SHANK2: variants seen among roughly 807,000 people sequenced by gnomAD.
The protein encoded by SHANK2 is SH3 and multiple ankyrin repeat domains 2, also known as SH3 and multiple ankyrin repeat domains protein 2.
A neutral mutation model predicts 133.7 loss-of-function variants in SHANK2; 43 were observed. That is an observed-to-expected ratio of 0.32 (90% CI 0.25 to 0.41). SHANK2 has a LOEUF of 0.41. SHANK2 is among the 10% of genes least tolerant of loss of function. SHANK2 has a pLI of 1.00. For missense variants in SHANK2, 1,994 were observed against 2,235.8 expected, an observed-to-expected ratio of 0.89 and a Z score of 2.18; for synonymous variants, 1,017 against 952.8, an observed-to-expected ratio of 1.07 and a Z score of -1.24.
intron 15 of SHANK2, among the ~76,000 whole-genome samples, chr11:70,670,929 G>A (rs113758757): frequency 0.014 from 2,078 of 152,316 alleles, 39 homozygotes; most frequent in African/African-American, 0.037. Flanking sequence ...TACTCATGCA[G>A]CCCGCACACC....
chr11:71,243,489 TCAAGACCATCCTGGCTAG>T (rs1954919320), intron 1 of SHANK2, among the ~76,000 whole-genome samples: 5 of 151,964 alleles, frequency 3.3e-5, no homozygotes, highest in Admixed American at 3.3e-4. Flanking sequence ...GGTCAGGAGA[TCAAGACCATCCTGGCTAG>T]CACGGTGAAA....
At chr11:71,085,604 TAA>T (rs1951373971) in intron 8 of SHANK2, among the ~76,000 whole-genome samples, 24 of 67,690 alleles carry the variant, frequency 3.5e-4, no homozygotes, top group African/African-American at 1.4e-3. Flanking sequence ...ATATATATAT[TAA>T]ATATATATTA....
Position 70,562,572 on chromosome 11 carries a change from A to G in SHANK2, c.2062-59641T>C, listed in dbSNP as rs149432801. On this transcript the variant is annotated intron_variant, in intron 17 of 25. Transcript: ENST00000601538. ...TGTTCTAAAATCTATTTTGATACTA[A>G]TATCGTCATCCCAGTTTTCTTTGGA... 1.4e-4 allele frequency among the ~76,000 whole-genome samples: 21 copies of G among 152,314 alleles called. No individual in the cohort carries two copies. The East Asian group carries it at 4.1e-3, about 29-fold the overall frequency.
intron 14 of SHANK2, among the ~76,000 whole-genome samples, chr11:70,746,117 C>T (rs532743115): frequency 1.7e-4 from 26 of 152,226 alleles, no homozygotes; most frequent in Non-Finnish European, 3.5e-4. Flanking sequence ...GAATCTCACA[C>T]CCACGCTTCA....
intron 8 of SHANK2, among the ~76,000 whole-genome samples, chr11:71,078,172 T>TAAA (rs1269738710): frequency 2.2e-4 from 31 of 142,164 alleles, no homozygotes; most frequent in African/African-American, 7.3e-4. Context: ...AAGGAAATGG[T>TAAA]AAAAAAAAAA....
chr11:70,857,466 G>A (rs2135488876), intron 11 of SHANK2, among the ~76,000 whole-genome samples: 1 of 152,298 alleles, frequency 6.6e-6, no homozygotes. Context: ...GCTCAGTCAT[G>A]TGCCCAACAG....
chr11:70,925,379 T>C (rs1950413281), intron 10 of SHANK2, among the ~76,000 whole-genome samples: 1 of 151,926 alleles, frequency 6.6e-6, no homozygotes, highest in Non-Finnish European at 1.5e-5. Flanking sequence ...CCAATAGGAG[T>C]AGGTATCACC....
intron 17 of SHANK2, among the ~76,000 whole-genome samples, chr11:70,554,554 C>G (rs1046474194): frequency 6.6e-6 from 1 of 152,260 alleles, no homozygotes; most frequent in South Asian, 2.1e-4. Context: ...CTCTCCTCCC[C>G]CCTCCCCCAG....
intron 17 of SHANK2, among the ~76,000 whole-genome samples, chr11:70,656,726 A>C (rs2061410187): frequency 6.6e-6 from 1 of 151,954 alleles, no homozygotes. Context: ...ACCTTTTATT[A>C]CCACACAGCT....
At chr11:70,600,829 C>T (rs190589153) in intron 17 of SHANK2, among the ~76,000 whole-genome samples, 28 of 152,204 alleles carry the variant, frequency 1.8e-4, no homozygotes, top group African/African-American at 6.5e-4. Flanking sequence ...ATATGAAAGA[C>T]AAACTTTAAA....
intron 1 of SHANK2, among the ~76,000 whole-genome samples, chr11:71,231,075 A>G (rs1051478572): frequency 1.3e-5 from 2 of 152,230 alleles, no homozygotes; most frequent in Admixed American, 1.3e-4. Flanking sequence ...ATAGGTTCTC[A>G]TCCAAATTAA....
intron 10 of SHANK2, among the ~76,000 whole-genome samples, chr11:70,905,744 C>T (rs1391432281): frequency 7.2e-5 from 11 of 152,128 alleles, no homozygotes; most frequent in Admixed American, 7.2e-4. Context: ...CTTGAACTCA[C>T]AGCCTCTGGA....
At chr11:70,853,286 G>C (rs936345865) in intron 11 of SHANK2, among the ~76,000 whole-genome samples, 22 of 152,356 alleles carry the variant, frequency 1.4e-4, no homozygotes, top group Non-Finnish European at 1.3e-4. Flanking sequence ...AGGCGTCCCG[G>C]CGCCTCCCAC....
chr11:71,217,358 T>G (rs1436485176), intron 2 of SHANK2, among the ~76,000 whole-genome samples: 1 of 150,738 alleles, frequency 6.6e-6, no homozygotes, highest in African/African-American at 2.5e-5. Flanking sequence ...AATACAAAAA[T>G]TAATTGGGCA....
At chr11:71,163,064 CTCTG>C (rs1290164561) in intron 2 of SHANK2, among the ~76,000 whole-genome samples, 1 of 88,186 alleles carries the variant, frequency 1.1e-5, no homozygotes, top group Non-Finnish European at 2.1e-5. Flanking sequence ...CAGAGTGAGA[CTCTG>C]TCTAAAAAAA....
At chr11:71,157,338 T>C (rs1952925515) in intron 2 of SHANK2, among the ~76,000 whole-genome samples, 2 of 152,342 alleles carry the variant, frequency 1.3e-5, no homozygotes, top group South Asian at 2.1e-4. Context: ...CTTAGATGAA[T>C]TGCAATGCCT....
chr11:70,601,127 C>G (rs1426383958), intron 17 of SHANK2, among the ~76,000 whole-genome samples: 2 of 152,060 alleles, frequency 1.3e-5, no homozygotes, highest in Non-Finnish European at 2.9e-5. Context: ...TCTCAGCTCA[C>G]GGCAATCTCC....
intron 2 of SHANK2, among the ~76,000 whole-genome samples, chr11:71,181,912 C>T (rs1440871478): frequency 3.3e-5 from 5 of 149,584 alleles, no homozygotes; most frequent in East Asian, 4.1e-4. Context: ...AAGAAACCTA[C>T]GATTCCAAGG....
At position 70,795,438 on chromosome 11, in the gene SHANK2, C is replaced by T. The variant is rs1408590314; in HGVS notation, c.1777+3005G>A. 3.3e-5 allele frequency among the ~76,000 whole-genome samples: 4 copies of T among 120,606 alleles called. No homozygotes were observed. The South Asian group carries it at 1.0e-3, about 31-fold the overall frequency. The allele number at this position is 120,606 out of a possible 152,430, so 79.1% of individuals were successfully genotyped here. On this transcript the variant is annotated intron_variant, in intron 14 of 25. Transcript: ENST00000601538. ...TTTTTTTTTTTGAGATGGAGTCTTG[C>T]TATGTTGCCCAGGCTGGAGTGCAGT...
Sources: gnomAD v4.1 joint callset for allele counts (sites outside exome capture counted in the v4.1 genomes callset) on GRCh38, gnomAD v4.1.1 for gene constraint, MANE v1.5 for transcripts, NCBI Gene and HGNC (gene_info 2026-07-23, HGNC 2026-07-21) for gene names.